The following TNIK variants were observed in gnomAD, a reference collection of about 807,000 sequenced individuals.
TNIK encodes TRAF2 and NCK-interacting protein kinase.
A neutral mutation model predicts 191.3 loss-of-function variants in TNIK; 49 were observed. The ratio of observed to expected loss-of-function variants is 0.26; its 90% CI spans 0.20 to 0.32. The LOEUF (loss-of-function observed/expected upper bound fraction) is 0.32, where lower values mean the gene tolerates loss of function less well. Ranked by LOEUF, TNIK falls within the 10% of genes least tolerant of loss-of-function variation. The pLI, the probability that TNIK is intolerant of heterozygous loss-of-function variation, is 1.00. For synonymous variants in TNIK, 594 were observed against 600.9 expected (o/e 0.99, Z 0.17); for missense variants, 1,155 against 1,702.3 (o/e 0.68, Z 5.66).
chr3:171,413,851 T>C (rs1010211), intron 1 of TNIK, among the ~76,000 whole-genome samples: 137,358 of 152,150 alleles, frequency 0.9, 62,118 homozygotes, highest in Middle Eastern at 0.97. Context: ...GCTACTTAAC[T>C]TCTCCAAATC....
Position 171,369,649 on chromosome 3 carries a change from C to A in TNIK, c.94G>T (p.Gly32Ter), listed in dbSNP as rs868676008. 6.3e-7 allele frequency: 1 copy of A among 1,577,124 alleles called. No homozygotes were observed. The highest frequency in any genetic ancestry group is 2.3e-5 in the East Asian group (1 of 43,250). ...TAAACTTGCCCGTATGTTCCATTTCCAACAAGTTCCACCAATTCAAAGATC... is the reference window on the plus strand; with the variant it reads ...TAAACTTGCCCGTATGTTCCATTTCAAACAAGTTCCACCAATTCAAAGATC... ...AGIFELVELV[G>*]NGTYGQVYKG... The change falls in exon 2 of 33, where the codon GGA becomes TGA. Residue 32 changes from glycine to a stop codon, truncating the protein, a stop_gained. Coordinates refer to ENST00000436636, the MANE Select transcript of TNIK (RefSeq NM_015028.4). LOFTEE classifies it high-confidence loss of function.
intron 1 of TNIK, among the ~76,000 whole-genome samples, chr3:171,393,092 C>T (rs1016219041): frequency 1.3e-5 from 2 of 152,130 alleles, no homozygotes; most frequent in African/African-American, 4.8e-5. Flanking sequence ...CCTGCCTTGC[C>T]CACTCTCTCC....
chr3:171,080,147 A>G (rs1720482562), intron 27 of TNIK, among the ~76,000 whole-genome samples: 1 of 152,090 alleles, frequency 6.6e-6, no homozygotes, highest in African/African-American at 2.4e-5. Context: ...AGTCACTGAA[A>G]GGAATACTGA....
At chr3:171,235,234 G>A (rs978840260) in intron 2 of TNIK, among the ~76,000 whole-genome samples, 1 of 152,086 alleles carries the variant, frequency 6.6e-6, no homozygotes, top group Non-Finnish European at 1.5e-5. Flanking sequence ...TAGAGCCAGG[G>A]TTTCGCCATG....
chr3:171,174,425 G>T (rs774374999), intron 9 of TNIK, among the ~76,000 whole-genome samples: 1 of 152,176 alleles, frequency 6.6e-6, no homozygotes, highest in African/African-American at 2.4e-5. Context: ...TGAGTAATCC[G>T]AGATTCAAGA....
chr3:171,083,547 C>T (rs746774195), intron 26 of TNIK, among the ~76,000 whole-genome samples: 3 of 152,202 alleles, frequency 2.0e-5, no homozygotes, highest in Non-Finnish European at 4.4e-5. Flanking sequence ...AGTTTGAGGT[C>T]AGCTAAAACC....
At chr3:171,444,912 G>A (rs551108485) in intron 1 of TNIK, among the ~76,000 whole-genome samples, 25 of 151,524 alleles carry the variant, frequency 1.6e-4, no homozygotes, top group Admixed American at 9.8e-4. Flanking sequence ...ATATGGTCTC[G>A]CCATGTTGCC....
chr3:171,445,524 T>C (rs1381791100), intron 1 of TNIK, among the ~76,000 whole-genome samples: 1 of 151,910 alleles, frequency 6.6e-6, no homozygotes, highest in Non-Finnish European at 1.5e-5. Context: ...GGAGTTAAAC[T>C]GTCAACTAGC....
intron 2 of TNIK, among the ~76,000 whole-genome samples, chr3:171,309,774 TGGTGTCACACAAGCAGCTG>T (rs1256195910): frequency 6.6e-6 from 1 of 152,128 alleles, no homozygotes; most frequent in African/African-American, 2.4e-5. Context: ...CTTTGCAATG[TGGTGTCACACAAGCAGCTG>T]GGTGTCTAAA....
At chr3:171,284,969 C>T (rs1380330440) in intron 2 of TNIK, among the ~76,000 whole-genome samples, 3 of 152,142 alleles carry the variant, frequency 2.0e-5, no homozygotes, top group East Asian at 1.9e-4. Context: ...TTGCCACATG[C>T]TTACAGTAAG....
At position 171,110,800 on chromosome 3, in the gene TNIK, G is replaced by A; in HGVS notation, c.2198C>T (p.Ser733Phe). 6.2e-7 allele frequency: 1 copy of A among 1,604,130 alleles called. No homozygotes were observed. The highest frequency in any genetic ancestry group is 8.5e-7 in the Non-Finnish European group (1 of 1,175,798). Reference sequence around the variant, plus strand: ...GCTGGGCTGGGAGCTAGGGGTGCTGGAGCTGGAGGAACTGCCACTGCTGGT... The same window carrying A: ...GCTGGGCTGGGAGCTAGGGGTGCTGAAGCTGGAGGAACTGCCACTGCTGGT... Reference protein sequence around the residue: ...QRTSSGSSSSSSTPSSQPSSQ... With the variant: ...QRTSSGSSSSFSTPSSQPSSQ... Residue 733 changes from serine to phenylalanine, a missense_variant, in exon 19 of 33, where the codon TCC becomes TTC. Ser to Phe is a radical substitution (Grantham distance 155). Transcript: ENST00000436636.
intron 21 of TNIK, among the ~76,000 whole-genome samples, chr3:171,102,950 T>G (rs1723842058): frequency 6.6e-6 from 1 of 152,188 alleles, no homozygotes; most frequent in African/African-American, 2.4e-5. Flanking sequence ...GCATTACTAT[T>G]TTGGTTCACA....
chr3:171,246,066 T>G (rs144152878), intron 2 of TNIK, among the ~76,000 whole-genome samples: 1,684 of 152,220 alleles, frequency 0.011, 24 homozygotes, highest in African/African-American at 0.039. Context: ...AAAGGAGCTA[T>G]GTGTGAGTGA....
intron 1 of TNIK, among the ~76,000 whole-genome samples, chr3:171,414,037 T>C (rs1033283349): frequency 1.3e-5 from 2 of 152,232 alleles, no homozygotes; most frequent in Non-Finnish European, 2.9e-5. Flanking sequence ...TAATAATCTA[T>C]CTACCTATCC....
chr3:171,383,366 C>CT (rs35365708), intron 1 of TNIK, among the ~76,000 whole-genome samples: 3 of 152,178 alleles, frequency 2.0e-5, no homozygotes, highest in African/African-American at 7.2e-5. Context: ...TCAAAACCTG[C>CT]TTTTTGAGCC....
intron 18 of TNIK, among the ~76,000 whole-genome samples, chr3:171,114,948 T>G (rs1726445923): frequency 6.6e-6 from 1 of 152,240 alleles, no homozygotes; most frequent in African/African-American, 2.4e-5. Flanking sequence ...ATAATCTCTT[T>G]TAATTCCCAA....
intron 14 of TNIK, 94 bp downstream of exon 14, chr3:171,139,376 G>GCGCA: frequency 1.9e-6 from 1 of 532,150 alleles, no homozygotes. Flanking sequence ...ACACGCACGC[G>GCGCA]CGCACACACA....
rs560463417 is a variant in TNIK at position 171,220,364 on chromosome 3, A to G, written c.180+7801T>C. On this transcript the variant is annotated intron_variant, in intron 3 of 32. Coordinates refer to ENST00000436636, the MANE Select transcript of TNIK (RefSeq NM_015028.4). ...TATGTAGCAAACCTGCATGTTCTGCACATGTACCCCAGAACTTAAAGTATA... is the reference window on the plus strand; with the variant it reads ...TATGTAGCAAACCTGCATGTTCTGCGCATGTACCCCAGAACTTAAAGTATA... 4.7e-4 allele frequency among the ~76,000 whole-genome samples: 71 copies of G among 152,332 alleles called. 1 individual carries two copies. The Middle Eastern group carries it at 0.01, about 22-fold the overall frequency.
At chr3:171,277,500 TA>T (rs551523954) in intron 2 of TNIK, among the ~76,000 whole-genome samples, 31 of 148,244 alleles carry the variant, frequency 2.1e-4, no homozygotes, top group East Asian at 9.8e-4. Context: ...CTATTTTGAT[TA>T]AAAAAAAAAC....
Sources: allele counts gnomAD v4.1 joint callset (sites outside exome capture counted in the v4.1 genomes callset), GRCh38; gene constraint gnomAD v4.1.1; transcripts MANE v1.5; gene names NCBI Gene and HGNC (gene_info 2026-07-23, HGNC 2026-07-21).